The following PJA2 variants were observed in gnomAD, a reference collection of about 807,000 sequenced individuals.
PJA2 encodes the protein praja ring finger ubiquitin ligase 2, also known as E3 ubiquitin-protein ligase Praja-2.
PJA2 carries 25 observed loss-of-function variants against 69.3 expected under a neutral mutation model. That is an observed-to-expected ratio of 0.36 (90% CI 0.26 to 0.50). The LOEUF is 0.50. Among genes scored for constraint, PJA2 ranks in the 20% least tolerant of loss-of-function variants. The pLI is 0.96. For missense variants in PJA2, 809 were observed against 830.2 expected, an observed-to-expected ratio of 0.97 and a Z score of 0.31; for synonymous variants, 308 against 277.8, an observed-to-expected ratio of 1.11 and a Z score of -1.08.
chr5:109,391,975 T>G (rs968049644), intron 1 of PJA2, among the ~76,000 whole-genome samples: 1 of 152,202 alleles, frequency 6.6e-6, no homozygotes, highest in Non-Finnish European at 1.5e-5. Context: ...AAAAATCCCA[T>G]ACTCATTGGC....
intron 1 of PJA2, among the ~76,000 whole-genome samples, chr5:109,388,464 C>T (rs565561867): frequency 6.6e-6 from 1 of 152,300 alleles, no homozygotes; most frequent in Admixed American, 6.5e-5. Context: ...TTGCTATGTC[C>T]ACTGCAGGAC....
rs1208438982 is a variant in PJA2, at chr5:109,361,530, T to C, written c.1652+1310A>G. 1.3e-4 allele frequency among the ~76,000 whole-genome samples: 20 copies of C among 152,324 alleles called. No individual in the cohort carries two copies. In the East Asian group the frequency reaches 3.9e-3, roughly 29 times the overall value. ...CTAAACAGATGATTCTTTCAACTGCTGAACACTTTGAGGAATTACTTTGCA... is the reference window on the plus strand; with the variant it reads ...CTAAACAGATGATTCTTTCAACTGCCGAACACTTTGAGGAATTACTTTGCA... On this transcript the variant is annotated intron_variant, in intron 6 of 9. Transcript: ENST00000361189.
intron 5 of PJA2, among the ~76,000 whole-genome samples, chr5:109,365,592 T>TAA (rs1211617451): frequency 9.0e-5 from 13 of 143,834 alleles, no homozygotes; most frequent in African/African-American, 3.0e-4. Context: ...CTTTTTTTTT[T>TAA]AAAACAACTG....
chr5:109,392,019 C>G (rs1175395504), intron 1 of PJA2, among the ~76,000 whole-genome samples: 5 of 152,138 alleles, frequency 3.3e-5, no homozygotes. Context: ...TTCAATTCTC[C>G]TTAAATAATC....
intron 1 of PJA2, among the ~76,000 whole-genome samples, chr5:109,388,490 T>TA (rs1747210047): frequency 6.6e-6 from 1 of 152,178 alleles, no homozygotes; most frequent in East Asian, 1.9e-4. Flanking sequence ...GTTACTCTAC[T>TA]CTCTTATCCT....
At chr5:109,343,658 A>G (rs185065534) in intron 9 of PJA2, among the ~76,000 whole-genome samples, 2 of 152,338 alleles carry the variant, frequency 1.3e-5, no homozygotes, top group Admixed American at 6.5e-5. Flanking sequence ...ACATGTTGTT[A>G]TTATTGTCTA....
chr5:109,347,949 A>C (rs1762195382), intron 7 of PJA2, among the ~76,000 whole-genome samples: 1 of 152,184 alleles, frequency 6.6e-6, no homozygotes, highest in Non-Finnish European at 1.5e-5. Context: ...TCATATTAAG[A>C]GTGGTCCCGG....
At chr5:109,367,723 T>C (rs1479388738) in intron 5 of PJA2, among the ~76,000 whole-genome samples, 1 of 152,178 alleles carries the variant, frequency 6.6e-6, no homozygotes, top group African/African-American at 2.4e-5. Context: ...CCCATTAAAA[T>C]AACAATAAAC....
chr5:109,383,465 G>C lies in PJA2; in HGVS notation c.-32C>G. On this transcript the variant is annotated 5_prime_UTR_variant, in exon 2 of 10. Coordinates refer to ENST00000361189, the MANE Select transcript of PJA2 (RefSeq NM_014819.5). Reference sequence around the variant, plus strand: ...CAGCGTCTGTGTGACCAGTTCAGTAGAATTATAGATGTGATTTAGTTTTTA... The same window carrying C: ...CAGCGTCTGTGTGACCAGTTCAGTACAATTATAGATGTGATTTAGTTTTTA... 6.4e-7 allele frequency: 1 copy of C among 1,574,774 alleles called. No homozygotes were observed. Among genetic ancestry groups the C allele is most frequent in the Non-Finnish European group, 8.7e-7 (1 of 1,149,324 alleles).
intron 7 of PJA2, 76 bp downstream of exon 7, chr5:109,355,839 G>T: frequency 1.0e-6 from 1 of 998,792 alleles, no homozygotes; most frequent in Non-Finnish European, 1.5e-6. Context: ...CTTAAGAGTA[G>T]TCTAAAAATC....
chr5:109,361,489 A>G (rs1762504352), intron 6 of PJA2, among the ~76,000 whole-genome samples: 1 of 152,234 alleles, frequency 6.6e-6, no homozygotes, highest in Non-Finnish European at 1.5e-5. Flanking sequence ...TTGCCTCCCA[A>G]CATGCATAGA....
intron 3 of PJA2, 128 bp from the exon 4 acceptor site, chr5:109,379,382 C>T (rs900222208): frequency 4.3e-6 from 3 of 691,682 alleles, no homozygotes; most frequent in Non-Finnish European, 4.7e-6. Flanking sequence ...ATTTATTTAC[C>T]AAGCACTTCT....
At chr5:109,391,452 T>A (rs1747279194) in intron 1 of PJA2, among the ~76,000 whole-genome samples, 1 of 152,196 alleles carries the variant, frequency 6.6e-6, no homozygotes, top group Non-Finnish European at 1.5e-5. Flanking sequence ...TTTTGAAGGA[T>A]ATTCAAATGA....
At chr5:109,353,192 AT>A (rs1383677379) in intron 7 of PJA2, among the ~76,000 whole-genome samples, 1 of 56,888 alleles carries the variant, frequency 1.8e-5, no homozygotes, top group Non-Finnish European at 3.4e-5. Flanking sequence ...ATATCTATAT[AT>A]TAGATACCTA....
rs114450388 is a variant in PJA2 at position 109,378,926 on chromosome 5, G to T, written c.561C>A (p.Val187=). ...DNDHLQLSAE[V]VEGSRYQESL... Reference sequence around the variant, plus strand: ...ATTCCTGGTATCTACTACCTTCCACGACTTCTGCAGAAAGTTGAAGATGGT... The same window carrying T: ...ATTCCTGGTATCTACTACCTTCCACTACTTCTGCAGAAAGTTGAAGATGGT... The change falls in exon 4 of 10, where the codon GTC becomes GTA. Residue 187 remains valine, a synonymous_variant. Transcript: ENST00000361189. 1 of 1,614,036 alleles carries T rather than the reference G, an allele frequency of 6.2e-7. No individual in the cohort carries two copies. Among genetic ancestry groups the T allele is most frequent in the Non-Finnish European group, 8.5e-7 (1 of 1,180,016 alleles).
At chr5:109,351,337 T>A (rs1030489489) in intron 7 of PJA2, among the ~76,000 whole-genome samples, 25 of 152,216 alleles carry the variant, frequency 1.6e-4, no homozygotes, top group African/African-American at 6.0e-4. Context: ...ATAAATAAAA[T>A]TCACTCATAA....
At chr5:109,381,055 C>T (rs921223888) in intron 3 of PJA2, among the ~76,000 whole-genome samples, 2 of 150,730 alleles carry the variant, frequency 1.3e-5, no homozygotes, top group Admixed American at 1.3e-4. Context: ...ATGGAGGTTG[C>T]AGTCAGCCAA....
chr5:109,351,810 C>G (rs989516661), intron 7 of PJA2, among the ~76,000 whole-genome samples: 1 of 151,872 alleles, frequency 6.6e-6, no homozygotes, highest in African/African-American at 2.4e-5. Context: ...GAGAAACAAA[C>G]AAACAAAAAC....
At chr5:109,376,370 A>G (rs1264673482) in intron 4 of PJA2, among the ~76,000 whole-genome samples, 2 of 152,100 alleles carry the variant, frequency 1.3e-5, no homozygotes, top group East Asian at 3.9e-4. Flanking sequence ...TAACTATGAA[A>G]AGTCCAGGGT....
Sources: allele counts gnomAD v4.1 joint callset (sites outside exome capture counted in the v4.1 genomes callset), GRCh38; gene constraint gnomAD v4.1.1; transcripts MANE v1.5; gene names NCBI Gene and HGNC (gene_info 2026-07-23, HGNC 2026-07-21).